Variants in NAALADL2 observed in about 807,000 individuals in gnomAD.
NAALADL2 encodes N-acetylated alpha-linked acidic dipeptidase like 2.
Under a neutral mutation model 87.2 loss-of-function variants are expected in NAALADL2, and 76 were observed. The observed-to-expected ratio is 0.87, with a 90% CI of 0.72 to 1.05. The LOEUF is 1.05. NAALADL2 is among the 50% of genes least tolerant of loss of function. NAALADL2 has a pLI of 0.00. For missense variants in NAALADL2, 1,089 were observed against 945.8 expected (o/e 1.15, Z -1.99); for synonymous variants, 354 against 331.0 (o/e 1.07, Z -0.75).
At chr3:175,738,937 G>A (rs1340624981) in intron 12 of NAALADL2, among the ~76,000 whole-genome samples, 2 of 152,132 alleles carry the variant, frequency 1.3e-5, no homozygotes, top group South Asian at 2.1e-4. Context: ...TTTTTAAACA[G>A]TAATTTTATT....
At chr3:174,893,840 A>C (rs920748094) in intron 1 of NAALADL2, among the ~76,000 whole-genome samples, 8 of 152,186 alleles carry the variant, frequency 5.3e-5, no homozygotes. Context: ...AACAAATCAC[A>C]AAATGGCAGG....
At chr3:175,781,712 T>A (rs1239083320) in intron 13 of NAALADL2, among the ~76,000 whole-genome samples, 1 of 151,910 alleles carries the variant, frequency 6.6e-6, no homozygotes, top group Non-Finnish European at 1.5e-5. Flanking sequence ...CTTTTATTTT[T>A]TTTATTTTTT....
chr3:175,198,245 C>T (rs960042945), intron 2 of NAALADL2, among the ~76,000 whole-genome samples: 5 of 152,002 alleles, frequency 3.3e-5, no homozygotes, highest in Non-Finnish European at 4.4e-5. Flanking sequence ...ATATTAAATT[C>T]GAAGAATCTA....
At chr3:174,496,004 C>G (rs1718512332) in intron 1 of NAALADL2, among the ~76,000 whole-genome samples, 1 of 152,116 alleles carries the variant, frequency 6.6e-6, no homozygotes, top group Non-Finnish European at 1.5e-5. Flanking sequence ...GCCTTTCCAG[C>G]TAAAATTTTT....
At chr3:175,659,583 A>G (rs1049599361) in intron 11 of NAALADL2, among the ~76,000 whole-genome samples, 1 of 152,200 alleles carries the variant, frequency 6.6e-6, no homozygotes, top group African/African-American at 2.4e-5. Context: ...GGTCTTGATG[A>G]TAAGTTCAAT....
chr3:175,050,884 T>C (rs1755294160), intron 1 of NAALADL2, among the ~76,000 whole-genome samples: 1 of 152,114 alleles, frequency 6.6e-6, no homozygotes, highest in Non-Finnish European at 1.5e-5. Flanking sequence ...TGACAAAATG[T>C]CATGTATCGA....
At chr3:174,595,495 TGAG>T (rs776132869) in intron 2 of NAALADL2, among the ~76,000 whole-genome samples, 6 of 152,304 alleles carry the variant, frequency 3.9e-5, no homozygotes, top group Non-Finnish European at 7.3e-5. Context: ...TCATGCAACT[TGAG>T]GGGAGAAAAG....
At chr3:174,549,876 C>T (rs1280378430) in intron 1 of NAALADL2, among the ~76,000 whole-genome samples, 2 of 151,962 alleles carry the variant, frequency 1.3e-5, no homozygotes, top group African/African-American at 4.8e-5. Flanking sequence ...AGCATTTATT[C>T]CATAACAGTG....
At chr3:175,585,375 G>C (rs2149586487) in intron 10 of NAALADL2, among the ~76,000 whole-genome samples, 1 of 152,208 alleles carries the variant, frequency 6.6e-6, no homozygotes, top group South Asian at 2.1e-4. Flanking sequence ...TCTTCTGCTA[G>C]ATTCATGGTG....
chr3:174,988,730 C>A (rs1020676868), intron 1 of NAALADL2, among the ~76,000 whole-genome samples: 6 of 152,192 alleles, frequency 3.9e-5, no homozygotes, highest in African/African-American at 1.4e-4. Flanking sequence ...ATGTTTGTGT[C>A]CAAATGTCCC....
intron 2 of NAALADL2, among the ~76,000 whole-genome samples, chr3:175,218,989 T>C (rs1742951879): frequency 1.3e-5 from 2 of 151,944 alleles, no homozygotes; most frequent in Admixed American, 1.3e-4. Flanking sequence ...TATTACTGTA[T>C]AATATTTTAT....
At chr3:174,697,403 A>AT (rs1729126445) in intron 2 of NAALADL2, among the ~76,000 whole-genome samples, 2 of 152,334 alleles carry the variant, frequency 1.3e-5, no homozygotes, top group African/African-American at 4.8e-5. Flanking sequence ...CAGAAGTGTA[A>AT]TATCCCTTAG....
chr3:174,608,199 C>G (rs1292673403), intron 2 of NAALADL2, among the ~76,000 whole-genome samples: 5 of 151,170 alleles, frequency 3.3e-5, no homozygotes, highest in Admixed American at 3.3e-4. Context: ...CACTAAATGC[C>G]CACAAGAGAA....
chr3:174,456,937 G>A (rs1715878463), intron 1 of NAALADL2, among the ~76,000 whole-genome samples: 1 of 151,988 alleles, frequency 6.6e-6, no homozygotes, highest in African/African-American at 2.4e-5. Flanking sequence ...CTATAGAATG[G>A]GAGAAAATGT....
intron 3 of NAALADL2, among the ~76,000 whole-genome samples, chr3:174,749,608 G>C (rs1161073083): frequency 3.3e-5 from 5 of 152,134 alleles, no homozygotes; most frequent in Non-Finnish European, 5.9e-5. Context: ...CTGTCATATG[G>C]GTTTTGTACT....
At chr3:174,930,824 G>A (rs565601603) in intron 1 of NAALADL2, among the ~76,000 whole-genome samples, 117 of 151,496 alleles carry the variant, frequency 7.7e-4, no homozygotes, top group African/African-American at 2.7e-3. Flanking sequence ...GGGTTTCATC[G>A]TGTTAGCCGG....
At chr3:174,871,913 A>C in intron 1 of NAALADL2, among the ~76,000 whole-genome samples, 1 of 152,080 alleles carries the variant, frequency 6.6e-6, no homozygotes, top group East Asian at 1.9e-4. Context: ...TAAATAAATA[A>C]ATAAATAAAT....
At chr3:175,749,627 G>T (rs1319086631) in intron 12 of NAALADL2, among the ~76,000 whole-genome samples, 1 of 152,148 alleles carries the variant, frequency 6.6e-6, no homozygotes, top group Non-Finnish European at 1.5e-5. Flanking sequence ...GAGCCCCCAA[G>T]GCCTAATGGC....
At chr3:175,323,891 G>A (rs111300637) in intron 4 of NAALADL2, among the ~76,000 whole-genome samples, 9 of 151,384 alleles carry the variant, frequency 5.9e-5, no homozygotes, top group East Asian at 1.9e-4. Flanking sequence ...GGTGGCAGGC[G>A]CCTGTGGTCC....
Sources: allele counts gnomAD v4.1 joint callset (sites outside exome capture counted in the v4.1 genomes callset), GRCh38; gene constraint gnomAD v4.1.1; transcripts MANE v1.5; gene names NCBI Gene and HGNC (gene_info 2026-07-23, HGNC 2026-07-21).